SDK1: variants seen among roughly 807,000 people sequenced by gnomAD.
SDK1 encodes the protein sidekick cell adhesion molecule 1.
SDK1 carries 157 observed loss-of-function variants against 245.5 expected under a neutral mutation model. The ratio of observed to expected loss-of-function variants is 0.64; its 90% CI spans 0.56 to 0.73. The LOEUF (loss-of-function observed/expected upper bound fraction) is 0.73, where lower values mean the gene tolerates loss of function less well. Ranked by LOEUF, SDK1 falls within the 30% of genes least tolerant of loss-of-function variation. The probability of loss-of-function intolerance (pLI) is 0.00; values close to 1 mark genes in which losing one functional copy is unlikely to be tolerated. For missense variants in SDK1, 3,583 were observed against 3,002.3 expected (o/e 1.19, Z -4.52); for synonymous variants, 1,647 against 1,278.5 (o/e 1.29, Z -6.15).
At chr7:3,858,789 A>G (rs1325353879) in intron 5 of SDK1, among the ~76,000 whole-genome samples, 3 of 151,436 alleles carry the variant, frequency 2.0e-5, no homozygotes, top group Admixed American at 6.6e-5. Context: ...AGAATGAGCA[A>G]TAGTGTTGTT....
chr7:3,914,396 T>C (rs1008647619), intron 5 of SDK1, among the ~76,000 whole-genome samples: 2 of 152,240 alleles, frequency 1.3e-5, no homozygotes, highest in Non-Finnish European at 2.9e-5. Context: ...TGTGTGTACA[T>C]GTGCACATAT....
chr7:3,652,984 G>A (rs1783054773), intron 4 of SDK1, among the ~76,000 whole-genome samples: 2 of 152,196 alleles, frequency 1.3e-5, no homozygotes, highest in Admixed American at 6.5e-5. Context: ...GAAGTGGGTG[G>A]ACTGAGCACC....
intron 19 of SDK1, among the ~76,000 whole-genome samples, chr7:4,059,757 G>A (rs1190154034): frequency 1.3e-5 from 2 of 151,980 alleles, no homozygotes; most frequent in African/African-American, 4.8e-5. Flanking sequence ...AGACCACAAT[G>A]GAATAAAACT....
chr7:4,265,829 C>T lies in SDK1; in HGVS notation c.*445C>T. The T allele has an allele frequency of 1.0e-6, 1 of 997,426 alleles. No individual in the cohort carries two copies. Among genetic ancestry groups the T allele is most frequent in the Non-Finnish European group, 1.2e-6 (1 of 838,996 alleles). The allele number at this position is 997,426 out of a possible 1,614,324, so 61.8% of individuals were successfully genotyped here. A position where few individuals can be genotyped will look rare whatever the true frequency, so the allele number is the denominator to read the frequency against. On this transcript the variant is annotated 3_prime_UTR_variant, in exon 45 of 45. Transcript: ENST00000404826. ...CCTCTTCCAGAGAACCAGCGGCTCA[C>T]ACCCTTCTCAACGCAGGACATCCTC...
chr7:3,759,548 T>A (rs1780033092), intron 4 of SDK1, among the ~76,000 whole-genome samples: 1 of 151,576 alleles, frequency 6.6e-6, no homozygotes, highest in South Asian at 2.1e-4. Flanking sequence ...GAATTTTCTT[T>A]TTAGTTTTCT....
chr7:3,610,490 A>G (rs955757012), intron 1 of SDK1, among the ~76,000 whole-genome samples: 3 of 152,238 alleles, frequency 2.0e-5, no homozygotes, highest in African/African-American at 7.2e-5. Context: ...GAAGTAAAAT[A>G]TTGGAGAGCT....
intron 4 of SDK1, among the ~76,000 whole-genome samples, chr7:3,745,577 T>C (rs1289748003): frequency 2.0e-5 from 3 of 152,150 alleles, no homozygotes; most frequent in Non-Finnish European, 4.4e-5. Context: ...TTCTATACAA[T>C]TTGATCCTAC....
chr7:3,593,955 A>G (rs749654763), intron 1 of SDK1, among the ~76,000 whole-genome samples: 138 of 152,364 alleles, frequency 9.1e-4, no homozygotes, highest in Non-Finnish European at 1.6e-3. Flanking sequence ...CTTTATTGAT[A>G]TATAATTTAC....
At chr7:3,684,597 T>C (rs1450627646) in intron 4 of SDK1, among the ~76,000 whole-genome samples, 1 of 152,184 alleles carries the variant, frequency 6.6e-6, no homozygotes, top group East Asian at 1.9e-4. Flanking sequence ...CTGAAGACCA[T>C]TTATCATACT....
chr7:4,068,454 C>G (rs1259773890), intron 20 of SDK1, among the ~76,000 whole-genome samples: 1 of 152,162 alleles, frequency 6.6e-6, no homozygotes, highest in Non-Finnish European at 1.5e-5. Context: ...GTGCCTGTGT[C>G]TCAGCCCTCG....
intron 4 of SDK1, among the ~76,000 whole-genome samples, chr7:3,791,847 G>T (rs969749420): frequency 1.3e-5 from 2 of 152,134 alleles, no homozygotes; most frequent in African/African-American, 4.8e-5. Context: ...CATGGAGTCA[G>T]GCATGGTGGC....
chr7:4,102,795 G>T (rs1389318281), intron 22 of SDK1, among the ~76,000 whole-genome samples: 2 of 152,136 alleles, frequency 1.3e-5, no homozygotes, highest in Non-Finnish European at 2.9e-5. Flanking sequence ...GCAAGCTGGG[G>T]CTGCGTGGCG....
At chr7:4,010,873 T>G in intron 14 of SDK1, 93 bp from the exon 15 acceptor site, 642 of 1,309,132 alleles carry the variant, frequency 4.9e-4, no homozygotes, top group Non-Finnish European at 6.4e-4. Context: ...GCTAAGCAAA[T>G]GAGATGTTCC....
chr7:3,568,150 G>C (rs1779987284), intron 1 of SDK1, among the ~76,000 whole-genome samples: 1 of 152,184 alleles, frequency 6.6e-6, no homozygotes, highest in Non-Finnish European at 1.5e-5. Flanking sequence ...TGATCATTAA[G>C]AGATTTGTTG....
In SDK1 at chr7:3,777,716, C is replaced by T. The variant is rs144041938; in HGVS notation, c.714-43734C>T. Among the ~76,000 whole-genome samples the T allele has an allele frequency of 2.4e-3, 367 of 152,274 alleles. 2 individuals carry two copies. Among genetic ancestry groups the T allele is most frequent in the African/African-American group, 8.3e-3 (346 of 41,540 alleles). ...ACTTCCCATGCCACACCACACTGCC[C>T]ATCTATATATTACTTTGCAATCATT... On this transcript the variant is annotated intron_variant, in intron 4 of 44. Transcript: ENST00000404826.
At chr7:3,802,692 G>A (rs1291227531) in intron 4 of SDK1, among the ~76,000 whole-genome samples, 1 of 152,124 alleles carries the variant, frequency 6.6e-6, no homozygotes, top group Non-Finnish European at 1.5e-5. Flanking sequence ...AGAATGTTAT[G>A]TAAGTGGACC....
At chr7:3,502,675 TA>T (rs1465136533) in intron 1 of SDK1, among the ~76,000 whole-genome samples, 1 of 152,236 alleles carries the variant, frequency 6.6e-6, no homozygotes, top group Non-Finnish European at 1.5e-5. Context: ...TTTTTAATTT[TA>T]AAAATATTAA....
intron 13 of SDK1, among the ~76,000 whole-genome samples, chr7:3,981,597 AAC>A (rs1195107094): frequency 6.6e-6 from 1 of 152,254 alleles, no homozygotes; most frequent in African/African-American, 2.4e-5. Context: ...TGCTCCAGGG[AAC>A]ACACAAATGA....
intron 4 of SDK1, among the ~76,000 whole-genome samples, chr7:3,731,938 C>T (rs1779190676): frequency 6.6e-6 from 1 of 152,076 alleles, no homozygotes. Flanking sequence ...ACTACAGGTG[C>T]CCACCACCAC....
Sources: gnomAD v4.1 joint callset for allele counts (sites outside exome capture counted in the v4.1 genomes callset) on GRCh38, gnomAD v4.1.1 for gene constraint, MANE v1.5 for transcripts, NCBI Gene and HGNC (gene_info 2026-07-23, HGNC 2026-07-21) for gene names.